CCDC47: variants seen among roughly 807,000 people sequenced by gnomAD.
The protein encoded by CCDC47 is coiled-coil domain containing 47, also known as PAT complex subunit CCDC47.
CCDC47 carries 41 observed loss-of-function variants against 60.5 expected under a neutral mutation model. The ratio of observed to expected loss-of-function variants is 0.68; its 90% CI spans 0.53 to 0.88. CCDC47 has a LOEUF of 0.88. Among genes scored for constraint, CCDC47 ranks in the 40% least tolerant of loss-of-function variants. The pLI is 0.00. For synonymous variants in CCDC47, 195 were observed against 190.7 expected (o/e 1.02, Z -0.18); for missense variants, 513 against 580.9 (o/e 0.88, Z 1.20).
chr17:63,752,938 A>G (rs2039178552), intron 9 of CCDC47, 139 bp from the exon 10 acceptor site: 4 of 1,359,702 alleles, frequency 2.9e-6, no homozygotes, highest in Non-Finnish European at 3.8e-6. Flanking sequence ...CAAGTCAAAT[A>G]TAATGAAGGA....
chr17:63,771,625 C>T lies in CCDC47; in HGVS notation c.-20+1787G>A, dbSNP rs149560567. On this transcript the variant is annotated intron_variant, in intron 1 of 12. Coordinates refer to ENST00000225726, the MANE Select transcript of CCDC47 (RefSeq NM_020198.3). ...CTCTGGAATGTATATTTTCCACTTC[C>T]ACTAGGCCTAAGGGTCTTCAGTCCT... Among the ~76,000 whole-genome samples, 230 of 152,252 alleles carry T rather than the reference C, an allele frequency of 1.5e-3. 1 individual carries two copies. Among genetic ancestry groups the T allele is most frequent in the African/African-American group, 5.4e-3 (223 of 41,530 alleles).
intron 6 of CCDC47, among the ~76,000 whole-genome samples, chr17:63,757,776 T>C (rs1367750317): frequency 2.6e-5 from 4 of 152,200 alleles, no homozygotes; most frequent in African/African-American, 7.2e-5. Context: ...CTAAAGCCCT[T>C]TGAATTTCCT....
chr17:63,758,170 A>G (rs2039221896), intron 6 of CCDC47, among the ~76,000 whole-genome samples: 1 of 152,126 alleles, frequency 6.6e-6, no homozygotes, highest in Non-Finnish European at 1.5e-5. Flanking sequence ...CAGTAAATAT[A>G]AGTGTCTTTT....
intron 8 of CCDC47, among the ~76,000 whole-genome samples, chr17:63,755,543 C>T (rs550007799): frequency 6.6e-6 from 1 of 150,958 alleles, no homozygotes; most frequent in South Asian, 2.1e-4. Context: ...AAAAATATTT[C>T]TCAAAATAAT....
chr17:63,752,636 A>G, intron 10 of CCDC47, 105 bp downstream of exon 10: 2 of 1,192,114 alleles, frequency 1.7e-6, no homozygotes, highest in Non-Finnish European at 2.3e-6. Flanking sequence ...GCACAGGCTT[A>G]TAGTTTTGAC....
chr17:63,752,989 G>A (rs1382631261), intron 9 of CCDC47, 190 bp from the exon 10 acceptor site: 18 of 854,330 alleles, frequency 2.1e-5, no homozygotes. Context: ...TCTGATGGAT[G>A]CATTCTCAAG....
Position 63,756,585 on chromosome 17 carries a change from T to TA in CCDC47, c.736-16dup, listed in dbSNP as rs1284813127. 1 of 1,585,096 alleles carries TA rather than the reference T, an allele frequency of 6.3e-7. No homozygotes were observed. Among genetic ancestry groups the TA allele is most frequent in the African/African-American group, 1.3e-5 (1 of 74,246 alleles). On this transcript the variant is annotated splice_polypyrimidine_tract_variant and intron_variant, in intron 6 of 12. Coordinates refer to ENST00000225726, the MANE Select transcript of CCDC47 (RefSeq NM_020198.3). ...ACTTTTATTTGCTTTTAAAAAAATG[T>TA]AAAAAACAACAAAATTCACCTGTTA...
chr17:63,759,361 C>A (rs184432222), intron 6 of CCDC47, among the ~76,000 whole-genome samples: 2 of 147,948 alleles, frequency 1.4e-5, no homozygotes, highest in African/African-American at 5.0e-5. Flanking sequence ...TGGTGGCAGG[C>A]GCCTGTAATC....
In CCDC47 at chr17:63,765,982, T is replaced by C; in HGVS notation, c.194A>G (p.Asp65Gly). The change falls in exon 2 of 13, where the codon GAT becomes GGT. Residue 65 changes from aspartate to glycine, a missense_variant. Transcript: ENST00000225726. Reference sequence around the variant, plus strand: ...CCCTTCCAACTCCACAGTGGTCTCATCTTCATCATCTTCAGTGATTATGAC... The same window carrying C: ...CCCTTCCAACTCCACAGTGGTCTCACCTTCATCATCTTCAGTGATTATGAC... ...QRVIITEDDEDETTVELEGQD... is the reference protein window; with the variant it reads ...QRVIITEDDEGETTVELEGQD... 1.2e-6 allele frequency: 2 copies of C among 1,614,124 alleles called. No individual in the cohort carries two copies. The highest frequency in any genetic ancestry group is 1.7e-6 in the Non-Finnish European group (2 of 1,179,980).
rs372609772 is a variant in CCDC47 at position 63,756,659 on chromosome 17, G to A, written c.736-89C>T. The A allele has an allele frequency of 2.6e-4, 216 of 824,642 alleles. No individual in the cohort carries two copies. In the South Asian group the frequency reaches 2.9e-3, roughly 11 times the overall value. The allele number at this position is 824,642 out of a possible 1,614,324, so 51.1% of individuals were successfully genotyped here. A position where few individuals can be genotyped will look rare whatever the true frequency, so the allele number is the denominator to read the frequency against. ...AAATGACCCTTAAGATTCCCTCCCC[G>A]CTGGTGCATATACTCTCCCTTTAAG... On this transcript the variant is annotated intron_variant, in intron 6 of 12. Coordinates refer to ENST00000225726, the MANE Select transcript of CCDC47 (RefSeq NM_020198.3).
Position 63,759,538 on chromosome 17 carries a change from T to C in CCDC47, c.735+1376A>G, listed in dbSNP as rs1420782615. 5.3e-4 allele frequency among the ~76,000 whole-genome samples: 7 copies of C among 13,274 alleles called. 1 individual carries two copies. The highest frequency in any genetic ancestry group is 8.4e-4 in the Non-Finnish European group (7 of 8,292). The allele number at this position is 13,274 out of a possible 152,430, so 8.7% of individuals were successfully genotyped here. ...ATATATATATATATTTATATATATATATATATATATATATATATATATATA... is the reference window on the plus strand; with the variant it reads ...ATATATATATATATTTATATATATACATATATATATATATATATATATATA... On this transcript the variant is annotated intron_variant, in intron 6 of 12. Coordinates refer to ENST00000225726, the MANE Select transcript of CCDC47 (RefSeq NM_020198.3).
chr17:63,761,709 A>AAT, intron 4 of CCDC47: 1 of 466,832 alleles, frequency 2.1e-6, no homozygotes, highest in Non-Finnish European at 2.8e-6. Context: ...AAAAAAAAAA[A>AAT]GGAAACAAGG....
chr17:63,769,715 A>G (rs571125150), intron 1 of CCDC47, among the ~76,000 whole-genome samples: 16 of 152,198 alleles, frequency 1.1e-4, no homozygotes, highest in Non-Finnish European at 2.1e-4. Context: ...CGGAAGAAGA[A>G]TAATTGTCTT....
rs1469331663 is a variant in CCDC47, at chr17:63,745,420, G to A, written c.*1461C>T. Reference sequence around the variant, plus strand: ...TTTCTAAAATGTAATTTAAAGGTTTGTAAAACAAGGCCACTACTATAATTA... The same window carrying A: ...TTTCTAAAATGTAATTTAAAGGTTTATAAAACAAGGCCACTACTATAATTA... On this transcript the variant is annotated 3_prime_UTR_variant, in exon 13 of 13. Coordinates refer to ENST00000225726, the MANE Select transcript of CCDC47 (RefSeq NM_020198.3). The A allele has an allele frequency of 6.6e-6, 1 of 152,400 alleles. No individual in the cohort carries two copies. The highest frequency in any genetic ancestry group is 2.4e-5 in the African/African-American group (1 of 41,406). The allele number at this position is 152,400 out of a possible 1,614,324, so 9.4% of individuals were successfully genotyped here.
At chr17:63,755,591 A>C (rs529525016) in intron 8 of CCDC47, among the ~76,000 whole-genome samples, 1 of 152,312 alleles carries the variant, frequency 6.6e-6, no homozygotes, top group African/African-American at 2.4e-5. Flanking sequence ...ATAACACCTA[A>C]AATAATTTCA....
At chr17:63,760,062 C>CAAAAA (rs10643408) in intron 6 of CCDC47, among the ~76,000 whole-genome samples, 11 of 98,330 alleles carry the variant, frequency 1.1e-4, no homozygotes, top group African/African-American at 2.4e-4. Context: ...GACTCCGTCT[C>CAAAAA]AAAAAAAAAA....
At chr17:63,765,868 G>T in intron 2 of CCDC47, 44 bp downstream of exon 2, 2 of 1,558,300 alleles carry the variant, frequency 1.3e-6, no homozygotes, top group East Asian at 4.5e-5. Flanking sequence ...TGGGAAAGGT[G>T]CTAGTTACAA....
At position 63,762,232 on chromosome 17, in the gene CCDC47, G is replaced by A. The variant is rs534686155; in HGVS notation, c.548-881C>T. ...ATTGCTCAACCTCACAAGGGAAAAC[G>A]GACTGATACACCAAATGAAAACAAG... On this transcript the variant is annotated intron_variant, in intron 4 of 12. Coordinates refer to ENST00000225726, the MANE Select transcript of CCDC47 (RefSeq NM_020198.3). 2.8e-3 allele frequency: 2,762 copies of A among 985,234 alleles called. 6 individuals carry two copies. Among genetic ancestry groups the A allele is most frequent in the Non-Finnish European group, 3.1e-3 (2,582 of 829,806 alleles). 61.0% of individuals were successfully genotyped at this position (985,234 alleles called of 1,614,324 possible). A position where few individuals can be genotyped will look rare whatever the true frequency, so the allele number is the denominator to read the frequency against.
At chr17:63,751,171 C>T (rs2039161016) in intron 12 of CCDC47, among the ~76,000 whole-genome samples, 1 of 151,434 alleles carries the variant, frequency 6.6e-6, no homozygotes, top group Non-Finnish European at 1.5e-5. Context: ...TGAGCCACTG[C>T]ACCTGGCCTT....
Sources: allele counts gnomAD v4.1 joint callset (sites outside exome capture counted in the v4.1 genomes callset), GRCh38; gene constraint gnomAD v4.1.1; transcripts MANE v1.5; gene names NCBI Gene and HGNC (gene_info 2026-07-23, HGNC 2026-07-21).